The following IGFBPL1 variants were observed in gnomAD, a reference collection of about 807,000 sequenced individuals.
IGFBPL1 encodes the protein insulin-like growth factor-binding protein-like 1.
In IGFBPL1, 20 loss-of-function variants were observed where a neutral mutation model predicts 23.9. That is an observed-to-expected ratio of 0.84 (90% CI 0.59 to 1.22). IGFBPL1 has a LOEUF of 1.22. IGFBPL1 is among the 50% of genes most tolerant of loss of function. The pLI, the probability that IGFBPL1 is intolerant of heterozygous loss-of-function variation, is 0.00. For missense variants in IGFBPL1, 436 were observed against 379.3 expected (o/e 1.15, Z -1.24); for synonymous variants, 184 against 171.8 (o/e 1.07, Z -0.56).
In IGFBPL1 at chr9:38,407,129, G is replaced by C. The variant is rs114436105; in HGVS notation, c.*2098C>G. Reference sequence around the variant, plus strand: ...GAAGTCAGTCACAGTGCGTGGAGAAGGGAGGGGCGGGAGGGGCTGAGTGAG... The same window carrying C: ...GAAGTCAGTCACAGTGCGTGGAGAACGGAGGGGCGGGAGGGGCTGAGTGAG... On this transcript the variant is annotated 3_prime_UTR_variant, in exon 5 of 5. Transcript: ENST00000377694. 1.1e-4 allele frequency among the ~76,000 whole-genome samples: 16 copies of C among 152,188 alleles called. No individual in the cohort carries two copies. The highest frequency in any genetic ancestry group is 3.9e-4 in the African/African-American group (16 of 41,422).
chr9:38,414,107 A>G lies in IGFBPL1; in HGVS notation c.557T>C (p.Ile186Thr), dbSNP rs1821557699. 1 of 1,605,974 alleles carries G rather than the reference A, an allele frequency of 6.2e-7. No homozygotes were observed. ...GGACAGAAATACCTTTCTCCACGTG[A>G]TGACTGGGGTAGGCACAGCCCTCAC... Reference protein sequence around the residue: ...CEVRAVPTPVITWRKVTKSPE... With the variant: ...CEVRAVPTPVTTWRKVTKSPE... Residue 186 changes from isoleucine to threonine, a missense_variant, in exon 2 of 5, where the codon ATC becomes ACC. Coordinates refer to ENST00000377694, the MANE Select transcript of IGFBPL1 (RefSeq NM_001007563.3).
intron 3 of IGFBPL1, 66 bp downstream of exon 3, chr9:38,413,171 T>C: frequency 9.4e-7 from 1 of 1,058,874 alleles, no homozygotes; most frequent in South Asian, 1.3e-5. Flanking sequence ...ATGTAATGTG[T>C]TGTAGAAATA....
intron 1 of IGFBPL1, among the ~76,000 whole-genome samples, chr9:38,414,869 T>C (rs1385985378): frequency 1.3e-5 from 2 of 152,130 alleles, no homozygotes; most frequent in Non-Finnish European, 2.9e-5. Flanking sequence ...AGGGAGGGTA[T>C]GGGCTCCCTG....
In IGFBPL1 at chr9:38,407,487, T is replaced by A. The variant is rs1474863118; in HGVS notation, c.*1740A>T. 1.3e-5 allele frequency among the ~76,000 whole-genome samples: 2 copies of A among 152,242 alleles called. No individual in the cohort carries two copies. The highest frequency in any genetic ancestry group is 4.8e-5 in the African/African-American group (2 of 41,468). Reference sequence around the variant, plus strand: ...TATATTAGACATGGAATGGCAGGCTTACAGGCGGAAAGTTCACTTCCAACA... The same window carrying A: ...TATATTAGACATGGAATGGCAGGCTAACAGGCGGAAAGTTCACTTCCAACA... On this transcript the variant is annotated 3_prime_UTR_variant, in exon 5 of 5. Transcript: ENST00000377694.
chr9:38,424,339 C>A lies in IGFBPL1; in HGVS notation c.86G>T (p.Arg29Leu), dbSNP rs1417086213. The A allele has an allele frequency of 2.0e-6, 2 of 989,314 alleles. No homozygotes were observed. Among genetic ancestry groups the A allele is most frequent in the Non-Finnish European group, 2.9e-6 (2 of 694,046 alleles). 61.3% of individuals were successfully genotyped at this position (989,314 alleles called of 1,614,324 possible). Residue 29 changes from arginine (R) to leucine (L), a missense_variant, in exon 1 of 5, where the codon CGC becomes CTC. Coordinates refer to ENST00000377694, the MANE Select transcript of IGFBPL1 (RefSeq NM_001007563.3). ...LPPLSPSLGI[R>L]DVGGRRPKCG... ...CTTGGGGCGCCGGCCGCCCACGTCG[C>A]GGATCCCAAGGCTCGGGGACAGCGG... is the stretch of plus-strand genomic sequence containing the variant.
At position 38,414,179 on chromosome 9, in the gene IGFBPL1, C is replaced by G. The variant is rs752454478; in HGVS notation, c.485G>C (p.Arg162Pro). ...CGCCCCGGTGACGTTGTGAACACTTCGGGGAGGAACGACGACCACAGGAGC... is the reference window on the plus strand; with the variant it reads ...CGCCCCGGTGACGTTGTGAACACTTGGGGGAGGAACGACGACCACAGGAGC... ...EFAPVVVVPP[R>P]SVHNVTGAQV... Residue 162 changes from arginine (R) to proline (P), a missense_variant, in exon 2 of 5, where the codon CGA becomes CCA. Coordinates refer to ENST00000377694, the MANE Select transcript of IGFBPL1 (RefSeq NM_001007563.3). The G allele has an allele frequency of 2.5e-6, 4 of 1,607,176 alleles. No homozygotes were observed. The highest frequency in any genetic ancestry group is 3.4e-6 in the Non-Finnish European group (4 of 1,176,938).
At chr9:38,414,318 G>T in intron 1 of IGFBPL1, 115 bp from the exon 2 acceptor site, 1 of 620,016 alleles carries the variant, frequency 1.6e-6, no homozygotes. Context: ...GAGGGGAGCG[G>T]CACATCACGC....
At position 38,411,497 on chromosome 9, in the gene IGFBPL1, T is replaced by C; in HGVS notation, c.740A>G (p.Asn247Ser). The change falls in exon 4 of 5, where the codon AAC becomes AGC. Residue 247 changes from asparagine (N) to serine (S), a missense_variant. Transcript: ENST00000377694. ...GTGGGACTCAGCCTCTCCCACCATG[T>C]TGGCTGCATGGCACTGGTACACACC... Reference protein sequence around the residue: ...DEGVYQCHAANMVGEAESHST... With the variant: ...DEGVYQCHAASMVGEAESHST... The C allele has an allele frequency of 1.2e-6, 2 of 1,613,956 alleles. No individual in the cohort carries two copies. The highest frequency in any genetic ancestry group is 1.6e-4 in the Middle Eastern group (1 of 6,062).
chr9:38,410,482 CAA>C (rs1345601056), intron 4 of IGFBPL1, among the ~76,000 whole-genome samples: 38 of 80,204 alleles, frequency 4.7e-4, no homozygotes, highest in Non-Finnish European at 5.7e-4. Context: ...GACTCTGTCT[CAA>C]AAAAAAAAAA....
rs749819194 is a variant in IGFBPL1 at position 38,413,372 on chromosome 9, C to A, written c.571-19G>T. 1 of 1,517,156 alleles carries A rather than the reference C, an allele frequency of 6.6e-7. No individual in the cohort carries two copies. 94.0% of individuals were successfully genotyped at this position (1,517,156 alleles called of 1,614,324 possible). A position where few individuals can be genotyped will look rare whatever the true frequency, so the allele number is the denominator to read the frequency against. On this transcript the variant is annotated intron_variant, in intron 2 of 4. Transcript: ENST00000377694. ...TCGTGACCTACAGGGGACAGGAATG[C>A]CAGGAGGGGGCTTAGAAAAAGCAAT...
In IGFBPL1 at chr9:38,407,379, T is replaced by TAATA. The variant is rs1213122369; in HGVS notation, c.*1844_*1847dup. ...CAGGGTCACACAGCGAGCCGGGGAT[T>TAATA]AATATGCAAATGGATCTCATGTTTC... On this transcript the variant is annotated 3_prime_UTR_variant, in exon 5 of 5. Transcript: ENST00000377694. Among the ~76,000 whole-genome samples the TAATA allele has an allele frequency of 6.6e-6, 1 of 152,214 alleles. No individual in the cohort carries two copies. Among genetic ancestry groups the TAATA allele is most frequent in the African/African-American group, 2.4e-5 (1 of 41,460 alleles).
rs536224261 is a variant in IGFBPL1, at chr9:38,424,085, C to T, written c.340G>A (p.Val114Ile). ...GLCVCAQRGT[V>I]CGSDGRSYPS... ...TACGAGCGACCGTCGGAGCCGCAGA[C>T]GGTGCCGCGCTGCGCGCACACGCAG... Residue 114 changes from valine to isoleucine, a missense_variant, in exon 1 of 5, where the codon GTC becomes ATC. Physicochemically the swap from Val to Ile is conservative, Grantham distance 29 (BLOSUM62 3). Transcript: ENST00000377694. 12 of 1,372,176 alleles carry T rather than the reference C, an allele frequency of 8.7e-6. No individual in the cohort carries two copies. The African/African-American group carries it at 1.8e-4, about 21-fold the overall frequency. 85.0% of individuals were successfully genotyped at this position (1,372,176 alleles called of 1,614,324 possible). A position where few individuals can be genotyped will look rare whatever the true frequency, so the allele number is the denominator to read the frequency against.
At chr9:38,418,857 G>A (rs1821635111) in intron 1 of IGFBPL1, among the ~76,000 whole-genome samples, 1 of 152,080 alleles carries the variant, frequency 6.6e-6, no homozygotes, top group African/African-American at 2.4e-5. Context: ...CAGTACTGTG[G>A]GGTGAGCAAA....
In IGFBPL1 at chr9:38,409,216, C is replaced by T. The variant is rs185860411; in HGVS notation, c.*11G>A. ...CATCCCATGATCAATGTTTCTAAGA[C>T]CCTAGGAAGAAAAGGAGAGAAAGAA... On this transcript the variant is annotated splice_region_variant and 3_prime_UTR_variant, in exon 5 of 5. Coordinates refer to ENST00000377694, the MANE Select transcript of IGFBPL1 (RefSeq NM_001007563.3). The T allele has an allele frequency of 2.0e-5, 3 of 152,212 alleles. No homozygotes were observed. The highest frequency in any genetic ancestry group is 1.9e-4 in the East Asian group (1 of 5,186). 9.4% of individuals were successfully genotyped at this position (152,212 alleles called of 1,614,324 possible).
chr9:38,420,819 A>G (rs915992619), intron 1 of IGFBPL1, among the ~76,000 whole-genome samples: 4 of 152,130 alleles, frequency 2.6e-5, no homozygotes, highest in Non-Finnish European at 4.4e-5. Flanking sequence ...CCTGGGTGAC[A>G]GAGTGAGACT....
intron 1 of IGFBPL1, among the ~76,000 whole-genome samples, chr9:38,423,542 AACTTCCCTTCCTCCCCTATCCTCT>A (rs368008268): frequency 1.5e-3 from 234 of 151,300 alleles, no homozygotes; most frequent in African/African-American, 5.5e-3. Context: ...CTGCATCCTC[AACTTCCCTTCCTCCCCTATCCTCT>A]ACTTCCCTTC....
Position 38,413,232 on chromosome 9 carries a change from C to T in IGFBPL1, c.687+5G>A. ...CAATAATATCCAATAATCCTAAACACTCACCAAAATCCAGGCCGTGGCCTC... is the reference window on the plus strand; with the variant it reads ...CAATAATATCCAATAATCCTAAACATTCACCAAAATCCAGGCCGTGGCCTC... On this transcript the variant is annotated splice_donor_5th_base_variant and intron_variant, in intron 3 of 4. Coordinates refer to ENST00000377694, the MANE Select transcript of IGFBPL1 (RefSeq NM_001007563.3). 3.2e-6 allele frequency: 5 copies of T among 1,565,706 alleles called. No homozygotes were observed. Among genetic ancestry groups the T allele is most frequent in the Non-Finnish European group, 3.5e-6 (4 of 1,136,102 alleles).
chr9:38,422,642 C>T (rs1821697129), intron 1 of IGFBPL1, among the ~76,000 whole-genome samples: 1 of 152,154 alleles, frequency 6.6e-6, no homozygotes, highest in Non-Finnish European at 1.5e-5. Context: ...AGGGAGCCAG[C>T]GGCAGCACAG....
At chr9:38,418,311 C>T (rs1301171703) in intron 1 of IGFBPL1, among the ~76,000 whole-genome samples, 1 of 152,150 alleles carries the variant, frequency 6.6e-6, no homozygotes, top group East Asian at 1.9e-4. Flanking sequence ...GTCTTGGCCT[C>T]AGTGTCTTCT....
Sources: gnomAD v4.1 joint callset for allele counts (sites outside exome capture counted in the v4.1 genomes callset) on GRCh38, gnomAD v4.1.1 for gene constraint, MANE v1.5 for transcripts, NCBI Gene and HGNC (gene_info 2026-07-23, HGNC 2026-07-21) for gene names.